The following ZCCHC7 variants were observed in gnomAD, a reference collection of about 807,000 sequenced individuals.
The protein encoded by ZCCHC7 is zinc finger CCHC-type containing 7, also known as zinc finger CCHC domain-containing protein 7.
Under a neutral mutation model 52.0 loss-of-function variants are expected in ZCCHC7, and 35 were observed. The observed-to-expected ratio is 0.67, with a 90% CI of 0.51 to 0.89. The LOEUF (loss-of-function observed/expected upper bound fraction) is 0.89, where lower values mean the gene tolerates loss of function less well. Ranked by LOEUF, ZCCHC7 falls within the 40% of genes least tolerant of loss-of-function variation. The pLI is 0.00. For missense variants in ZCCHC7, 574 were observed against 649.1 expected, an observed-to-expected ratio of 0.88 and a Z score of 1.26; for synonymous variants, 217 against 221.5, an observed-to-expected ratio of 0.98 and a Z score of 0.18.
At position 37,327,048 on chromosome 9, in the gene ZCCHC7, T is replaced by TTA. The variant is rs531639748; in HGVS notation, c.952-745_952-744dup. ...GGTCATAATTTAGGCATAAGAAGAT[T>TTA]TATATATGTGTTCGTAAGAAAATAT... On this transcript the variant is annotated intron_variant, in intron 5 of 8. Coordinates refer to ENST00000336755, the MANE Select transcript of ZCCHC7 (RefSeq NM_032226.3). 8.1e-4 allele frequency: 123 copies of TTA among 152,188 alleles called. 1 individual carries two copies. The highest frequency in any genetic ancestry group is 2.8e-3 in the African/African-American group (116 of 41,544). 9.4% of individuals were successfully genotyped at this position (152,188 alleles called of 1,614,324 possible).
intron 1 of ZCCHC7, among the ~76,000 whole-genome samples, chr9:37,123,001 G>C (rs1842384334): frequency 6.6e-6 from 1 of 152,260 alleles, no homozygotes; most frequent in South Asian, 2.1e-4. Context: ...TCACAGAAAT[G>C]TGAATCACTT....
intron 2 of ZCCHC7, among the ~76,000 whole-genome samples, chr9:37,175,753 T>C (rs1433988443): frequency 5.9e-5 from 9 of 152,088 alleles, no homozygotes; most frequent in Admixed American, 3.9e-4. Flanking sequence ...TAAAATTTTT[T>C]CTCCCATTTT....
At chr9:37,238,032 G>A (rs1274604546) in intron 2 of ZCCHC7, among the ~76,000 whole-genome samples, 1 of 152,088 alleles carries the variant, frequency 6.6e-6, no homozygotes, top group Non-Finnish European at 1.5e-5. Flanking sequence ...CACCTATTTA[G>A]CTTTCAGAGT....
intron 2 of ZCCHC7, among the ~76,000 whole-genome samples, chr9:37,269,479 T>C (rs1827279619): frequency 6.6e-6 from 1 of 150,782 alleles, no homozygotes; most frequent in Non-Finnish European, 1.5e-5. Context: ...ATTAACTGAG[T>C]GTTGCAGTGC....
chr9:37,354,596 C>T lies in ZCCHC7; in HGVS notation c.1084-114C>T. The T allele has an allele frequency of 1.4e-6, 1 of 697,746 alleles. No individual in the cohort carries two copies. The highest frequency in any genetic ancestry group is 2.0e-5 in the South Asian group (1 of 51,052). The allele number at this position is 697,746 out of a possible 1,614,324, so 43.2% of individuals were successfully genotyped here. ...CAAGGACCATATCCTACAGCCACCA[C>T]ATGAGGTACCAGTGACATGGGGCTC... is the stretch of plus-strand genomic sequence containing the variant. On this transcript the variant is annotated intron_variant, in intron 7 of 8. Transcript: ENST00000336755. This position sits in a 1 kb window ranked among gnomAD's most constrained non-coding sequence, Gnocchi z 4.0.
At chr9:37,187,325 C>A (rs758512649) in intron 2 of ZCCHC7, among the ~76,000 whole-genome samples, 4 of 152,234 alleles carry the variant, frequency 2.6e-5, no homozygotes, top group Non-Finnish European at 5.9e-5. Context: ...GATCATCAGA[C>A]ATTAGATTAT....
intron 2 of ZCCHC7, among the ~76,000 whole-genome samples, chr9:37,163,947 A>T (rs1043324184): frequency 2.0e-5 from 3 of 152,030 alleles, no homozygotes; most frequent in African/African-American, 7.2e-5. Flanking sequence ...TTCTCTATTG[A>T]ATTATTTTTT....
intron 2 of ZCCHC7, among the ~76,000 whole-genome samples, chr9:37,236,506 C>T (rs574936555): frequency 6.6e-6 from 1 of 152,186 alleles, no homozygotes; most frequent in African/African-American, 2.4e-5. Flanking sequence ...ATTCTCCTGC[C>T]TCAGCCTCCC....
chr9:37,198,258 A>T (rs2133141424), intron 2 of ZCCHC7, among the ~76,000 whole-genome samples: 1 of 152,110 alleles, frequency 6.6e-6, no homozygotes, highest in Middle Eastern at 3.4e-3. Context: ...CTAAAATATC[A>T]CTTGTTCTAT....
intron 2 of ZCCHC7, among the ~76,000 whole-genome samples, chr9:37,285,589 A>G (rs1254406484): frequency 6.6e-6 from 1 of 152,198 alleles, no homozygotes; most frequent in Non-Finnish European, 1.5e-5. Context: ...TTTGGAATAT[A>G]ATTTTGAAAA....
chr9:37,253,494 G>C (rs1826430231), intron 2 of ZCCHC7, among the ~76,000 whole-genome samples: 1 of 151,888 alleles, frequency 6.6e-6, no homozygotes, highest in South Asian at 2.1e-4. Flanking sequence ...CTATGTACAT[G>C]ATACAGATGT....
intron 2 of ZCCHC7, among the ~76,000 whole-genome samples, chr9:37,206,681 A>G (rs1441251144): frequency 1.3e-5 from 2 of 151,858 alleles, no homozygotes; most frequent in Non-Finnish European, 2.9e-5. Flanking sequence ...TTTCTCTGGT[A>G]TTTTTCTCTG....
At chr9:37,155,328 G>A (rs2132861617) in intron 2 of ZCCHC7, among the ~76,000 whole-genome samples, 1 of 151,910 alleles carries the variant, frequency 6.6e-6, no homozygotes, top group East Asian at 1.9e-4. Context: ...ACTCCATCCA[G>A]CCTGGTGACA....
intron 2 of ZCCHC7, among the ~76,000 whole-genome samples, chr9:37,216,003 A>T (rs1484931594): frequency 6.6e-6 from 1 of 152,226 alleles, no homozygotes; most frequent in Non-Finnish European, 1.5e-5. Flanking sequence ...CATTATTCAC[A>T]GTTAAAGGAT....
At chr9:37,243,011 CATTT>C (rs1409187575) in intron 2 of ZCCHC7, among the ~76,000 whole-genome samples, 1 of 151,712 alleles carries the variant, frequency 6.6e-6, no homozygotes, top group East Asian at 1.9e-4. Flanking sequence ...ATAAGAAGCA[CATTT>C]ATTTTTCTTC....
At chr9:37,240,706 G>A (rs1015070618) in intron 2 of ZCCHC7, among the ~76,000 whole-genome samples, 6 of 151,898 alleles carry the variant, frequency 4.0e-5, no homozygotes, top group Non-Finnish European at 8.8e-5. Flanking sequence ...AGGAAAAGAA[G>A]CAGCAGGAGT....
intron 2 of ZCCHC7, among the ~76,000 whole-genome samples, chr9:37,252,244 C>T (rs1826364362): frequency 6.6e-6 from 1 of 152,088 alleles, no homozygotes; most frequent in Non-Finnish European, 1.5e-5. Context: ...TTTTAAGTAA[C>T]TTATTTTAAA....
chr9:37,142,932 G>A (rs1298882700), intron 2 of ZCCHC7, among the ~76,000 whole-genome samples: 1 of 151,778 alleles, frequency 6.6e-6, no homozygotes, highest in East Asian at 1.9e-4. Flanking sequence ...TGTTTTACTA[G>A]CAAATGTTCG....
chr9:37,300,725 G>A (rs1828995254), intron 2 of ZCCHC7, among the ~76,000 whole-genome samples: 1 of 152,188 alleles, frequency 6.6e-6, no homozygotes, highest in Non-Finnish European at 1.5e-5. Flanking sequence ...TAGTAAGGTA[G>A]GAGGACAGAG....
Sources: allele counts gnomAD v4.1 joint callset (sites outside exome capture counted in the v4.1 genomes callset), GRCh38; gene constraint gnomAD v4.1.1; non-coding constraint Gnocchi (gnomAD v3.1); transcripts MANE v1.5; gene names NCBI Gene and HGNC (gene_info 2026-07-23, HGNC 2026-07-21).